FAT3: variants seen among roughly 807,000 people sequenced by gnomAD.
FAT3 encodes FAT atypical cadherin 3.
A neutral mutation model predicts 310.2 loss-of-function variants in FAT3; 95 were observed. The observed-to-expected ratio is 0.31, with a 90% confidence interval of 0.26 to 0.36. The LOEUF is 0.36. FAT3 is among the 10% of genes least tolerant of loss of function. FAT3 has a pLI of 1.00. For missense variants in FAT3, 5,408 were observed against 5,715.6 expected (o/e 0.95, Z 1.74); for synonymous variants, 2,314 against 2,192.9 (o/e 1.06, Z -1.54).
At chr11:92,567,488 G>C (rs1257022177) in intron 3 of FAT3, among the ~76,000 whole-genome samples, 4 of 149,740 alleles carry the variant, frequency 2.7e-5, no homozygotes, top group Non-Finnish European at 3.0e-5. Context: ...CGATTCCTCA[G>C]GGATCTAGAA....
intron 3 of FAT3, among the ~76,000 whole-genome samples, chr11:92,572,311 A>G (rs1394130251): frequency 1.3e-5 from 2 of 152,188 alleles, no homozygotes; most frequent in Admixed American, 6.5e-5. Context: ...TTTATGTACA[A>G]AAGCTGATAG....
intron 2 of FAT3, among the ~76,000 whole-genome samples, chr11:92,437,401 G>T (rs980187113): frequency 1.3e-5 from 2 of 152,086 alleles, no homozygotes; most frequent in Non-Finnish European, 2.9e-5. Flanking sequence ...CTCCTTATTC[G>T]CTGCATGACC....
intron 6 of FAT3, 56 bp downstream of exon 6, chr11:92,765,145 C>G (rs1466883089): frequency 1.0e-5 from 10 of 979,840 alleles, no homozygotes; most frequent in African/African-American, 2.3e-5. Context: ...ACTGAAGCAA[C>G]TAGGAAAAAA....
Position 92,886,807 on chromosome 11 carries a change from T to C in FAT3, c.12938-193T>C, listed in dbSNP as rs1463682700. 5.2e-6 allele frequency: 3 copies of C among 571,938 alleles called. No individual in the cohort carries two copies. The Admixed American group carries it at 9.4e-5, about 18-fold the overall frequency. 35.4% of individuals were successfully genotyped at this position (571,938 alleles called of 1,614,324 possible). On this transcript the variant is annotated intron_variant, in intron 24 of 27. Coordinates refer to ENST00000525166, the MANE Select transcript of FAT3 (RefSeq NM_001367949.2). The stretch of plus-strand genomic sequence containing the variant: ...CTATGGGCTAAGGGTTTCGAATCCA[T>C]AATGTAAATCACTTGATTGACAGAA...
chr11:92,550,234 C>CT (rs1185028621), intron 3 of FAT3, among the ~76,000 whole-genome samples: 17 of 152,198 alleles, frequency 1.1e-4, no homozygotes, highest in Non-Finnish European at 2.2e-4. Context: ...CAAAAGGGGT[C>CT]TTTTTTTCAC....
intron 18 of FAT3, 47 bp from the exon 19 acceptor site, chr11:92,843,886 TG>T (rs756283369): frequency 6.6e-7 from 1 of 1,514,968 alleles, no homozygotes; most frequent in Non-Finnish European, 8.9e-7. Flanking sequence ...AAACTTACTA[TG>T]ATTAGTTTTC....
chr11:92,279,015 T>G (rs73544675), intron 1 of FAT3, among the ~76,000 whole-genome samples: 18,787 of 152,134 alleles, frequency 0.12, 1,276 homozygotes, highest in East Asian at 0.3. Flanking sequence ...ATGAAAACAG[T>G]AACTCTTAAA....
At chr11:92,404,394 G>A (rs756450283) in intron 2 of FAT3, among the ~76,000 whole-genome samples, 15 of 151,858 alleles carry the variant, frequency 9.9e-5, no homozygotes, top group Non-Finnish European at 1.9e-4. Context: ...AAAATAAAAA[G>A]AACTGGGAGA....
intron 3 of FAT3, among the ~76,000 whole-genome samples, chr11:92,576,527 C>T (rs1219916266): frequency 2.0e-5 from 3 of 152,094 alleles, no homozygotes; most frequent in Non-Finnish European, 2.9e-5. Flanking sequence ...CACTTTCCTA[C>T]CATTTGGATA....
intron 3 of FAT3, among the ~76,000 whole-genome samples, chr11:92,566,400 T>C (rs1301260798): frequency 6.6e-6 from 1 of 152,026 alleles, no homozygotes; most frequent in African/African-American, 2.4e-5. Flanking sequence ...TACAAACAAA[T>C]GGAAGAACAT....
chr11:92,839,515 C>CA (rs1948484710), intron 17 of FAT3, among the ~76,000 whole-genome samples: 2 of 152,266 alleles, frequency 1.3e-5, no homozygotes, highest in South Asian at 2.1e-4. Context: ...CTTTCTTCTT[C>CA]AAAAAATATG....
At chr11:92,307,093 G>A (rs771802377) in intron 1 of FAT3, among the ~76,000 whole-genome samples, 1 of 151,656 alleles carries the variant, frequency 6.6e-6, no homozygotes, top group Non-Finnish European at 1.5e-5. Flanking sequence ...CACTGTGCCT[G>A]GCTTTCCACT....
chr11:92,336,340 C>T (rs886151401), intron 1 of FAT3: 15 of 415,098 alleles, frequency 3.6e-5, no homozygotes, highest in East Asian at 1.2e-4. Flanking sequence ...TGCCAATGTA[C>T]GGTCAGTTCC....
intron 3 of FAT3, among the ~76,000 whole-genome samples, chr11:92,682,533 C>G (rs894641793): frequency 6.6e-6 from 1 of 152,180 alleles, no homozygotes; most frequent in African/African-American, 2.4e-5. Context: ...AATAATCGCT[C>G]TCACTCATGT....
At chr11:92,271,662 G>T (rs924839915) in intron 1 of FAT3, among the ~76,000 whole-genome samples, 1 of 152,106 alleles carries the variant, frequency 6.6e-6, no homozygotes, top group Non-Finnish European at 1.5e-5. Context: ...TTGACTGAGT[G>T]ACATTTAATA....
At chr11:92,807,386 T>C (rs10741444) in intron 12 of FAT3, among the ~76,000 whole-genome samples, 63,289 of 151,956 alleles carry the variant, frequency 0.42, 15,160 homozygotes, top group South Asian at 0.64. Context: ...CTCTAAGAAA[T>C]TGTAGGGACA....
intron 4 of FAT3, among the ~76,000 whole-genome samples, chr11:92,713,412 C>T (rs528659226): frequency 6.6e-6 from 1 of 152,264 alleles, no homozygotes; most frequent in Non-Finnish European, 1.5e-5. Flanking sequence ...AGTTTATAAC[C>T]CATTTTCTCT....
At chr11:92,318,025 TA>T (rs1217734823) in intron 1 of FAT3, among the ~76,000 whole-genome samples, 3 of 152,200 alleles carry the variant, frequency 2.0e-5, no homozygotes, top group Non-Finnish European at 4.4e-5. Context: ...ACTCTGAAAT[TA>T]TATGTCTTTA....
chr11:92,302,926 T>C (rs1947036360), intron 1 of FAT3, among the ~76,000 whole-genome samples: 1 of 152,152 alleles, frequency 6.6e-6, no homozygotes, highest in Admixed American at 6.6e-5. Context: ...TCATCTTCTA[T>C]TTTAGTGCAT....
Sources: allele counts gnomAD v4.1 joint callset (sites outside exome capture counted in the v4.1 genomes callset), GRCh38; gene constraint gnomAD v4.1.1; transcripts MANE v1.5; gene names NCBI Gene and HGNC (gene_info 2026-07-23, HGNC 2026-07-21).